SNED1: variants seen among roughly 807,000 people sequenced by gnomAD.
The protein encoded by SNED1 is sushi, nidogen and EGF-like domain-containing protein 1.
SNED1 carries 81 observed loss-of-function variants against 166.7 expected under a neutral mutation model. The ratio of observed to expected loss-of-function variants is 0.49; its 90% confidence interval spans 0.41 to 0.58. The LOEUF (loss-of-function observed/expected upper bound fraction) is 0.58, where lower values mean the gene tolerates loss of function less well. Among genes scored for constraint, SNED1 ranks in the 20% least tolerant of loss-of-function variants. The probability of loss-of-function intolerance (pLI) is 0.00; values close to 1 mark genes in which losing one functional copy is unlikely to be tolerated. For synonymous variants in SNED1, 762 were observed against 822.0 expected (o/e 0.93, Z 1.25); for missense variants, 1,604 against 2,000.2 (o/e 0.80, Z 3.78).
At chr2:241,065,241 G>C (rs1395932159) in intron 20 of SNED1, 58 bp from the exon 21 acceptor site, 1 of 1,578,696 alleles carries the variant, frequency 6.3e-7, no homozygotes, top group Non-Finnish European at 8.6e-7. Context: ...CGGGAGCCAG[G>C]CATGCATAGC....
intron 8 of SNED1, among the ~76,000 whole-genome samples, chr2:241,041,957 G>C (rs950806105): frequency 7.2e-5 from 11 of 152,154 alleles, no homozygotes; most frequent in African/African-American, 2.4e-4. Flanking sequence ...TTAGACAACA[G>C]ACAGCACAAG....
At chr2:241,078,228 C>A (rs561038861) in intron 27 of SNED1, among the ~76,000 whole-genome samples, 34 of 151,484 alleles carry the variant, frequency 2.2e-4, no homozygotes, top group African/African-American at 8.0e-4. Context: ...ACTAAAAATA[C>A]AAAAATTAGC....
At chr2:241,050,967 G>C (rs2125099570) in intron 12 of SNED1, among the ~76,000 whole-genome samples, 1 of 152,370 alleles carries the variant, frequency 6.6e-6, no homozygotes, top group Admixed American at 6.5e-5. Context: ...GAGCACACAG[G>C]CCACCAATGT....
chr2:241,030,438 A>G lies in SNED1; in HGVS notation c.368A>G (p.Asp123Gly). 1 of 1,613,476 alleles carries G rather than the reference A, an allele frequency of 6.2e-7. No individual in the cohort carries two copies. Among genetic ancestry groups the G allele is most frequent in the Non-Finnish European group, 8.5e-7 (1 of 1,179,802 alleles). Reference protein sequence around the residue: ...AGDVYYREATDPAMLRRATED... With the variant: ...AGDVYYREATGPAMLRRATED... ...GACGTGTACTACCGGGAGGCCACCGACCCAGCCATGCTGCGCCGAGCCACG... is the reference window on the plus strand; with the variant it reads ...GACGTGTACTACCGGGAGGCCACCGGCCCAGCCATGCTGCGCCGAGCCACG... Residue 123 changes from aspartate (D) to glycine (G), a missense_variant, in exon 2 of 32, where the codon GAC (aspartate) becomes GGC (glycine). Transcript: ENST00000310397.
intron 29 of SNED1, among the ~76,000 whole-genome samples, chr2:241,085,172 TTTTGCCATTA>T (rs1241977656): frequency 6.6e-6 from 1 of 152,188 alleles, no homozygotes; most frequent in African/African-American, 2.4e-5. Context: ...TTCGTAAAAT[TTTTGCCATTA>T]TTTCTTCATA....
chr2:241,053,493 G>A (rs1445418707), intron 16 of SNED1, among the ~76,000 whole-genome samples, 167 bp downstream of exon 16: 5 of 152,260 alleles, frequency 3.3e-5, no homozygotes, highest in African/African-American at 1.2e-4. Flanking sequence ...ACCTTGGGGT[G>A]ACAGTGGTGA....
chr2:241,072,331 G>A, intron 26 of SNED1: 1 of 408,596 alleles, frequency 2.4e-6, no homozygotes, highest in Non-Finnish European at 4.9e-6. Context: ...CAAGGCTGAT[G>A]GGCCCAGGTG....
intron 1 of SNED1, among the ~76,000 whole-genome samples, chr2:241,023,972 ACCC>A (rs1174612599): frequency 8.3e-6 from 1 of 120,104 alleles, no homozygotes; most frequent in East Asian, 2.5e-4. Context: ...TGCAGCCTCC[ACCC>A]CCCGGGTTCA....
At chr2:241,009,630 G>C (rs2060324987) in intron 1 of SNED1, among the ~76,000 whole-genome samples, 1 of 152,126 alleles carries the variant, frequency 6.6e-6, no homozygotes, top group Admixed American at 6.5e-5. Flanking sequence ...AGGAGAGAGA[G>C]GACATGGCAT....
At position 241,051,441 on chromosome 2, in the gene SNED1, G is replaced by A. The variant is rs565818151; in HGVS notation, c.1736-303G>A. On this transcript the variant is annotated intron_variant, in intron 12 of 31. Transcript: ENST00000310397. This position sits in a 1 kb window ranked among gnomAD's most constrained non-coding sequence, Gnocchi z 4.7. ...GCAGGAGGGAGGGAGTGCTGCGCCC[G>A]CTGCAGTGTTGGGGCCGGTTCTCCA... The A allele has an allele frequency of 6.5e-4, 204 of 312,834 alleles. 2 individuals are homozygous for A. In the Admixed American group the frequency reaches 9.2e-3, roughly 14 times the overall value. The allele number at this position is 312,834 out of a possible 1,614,324, so 19.4% of individuals were successfully genotyped here.
chr2:241,002,587 G>C (rs2060108632), intron 1 of SNED1, among the ~76,000 whole-genome samples: 1 of 152,126 alleles, frequency 6.6e-6, no homozygotes, highest in Non-Finnish European at 1.5e-5. Context: ...GAGGATGCTG[G>C]AGTGAGAGAG....
At position 241,018,174 on chromosome 2, in the gene SNED1, C is replaced by A. The variant is rs1045761895; in HGVS notation, c.214-12110C>A. Reference sequence around the variant, plus strand: ...CCCTGCTGTGCTGATTTGGTTAAGTCTTTTTGCCATGTCACCGCGCATTTG... The same window carrying A: ...CCCTGCTGTGCTGATTTGGTTAAGTATTTTTGCCATGTCACCGCGCATTTG... On this transcript the variant is annotated intron_variant, in intron 1 of 31. Transcript: ENST00000310397. The surrounding 1 kb of genome is among the most constrained non-coding windows in gnomAD (Gnocchi z 5.4). Among the ~76,000 whole-genome samples, 1 of 152,234 alleles carries A rather than the reference C, an allele frequency of 6.6e-6. No homozygotes were observed. The highest frequency in any genetic ancestry group is 1.5e-5 in the Non-Finnish European group (1 of 68,042).
chr2:241,079,853 C>G (rs2063244234), intron 27 of SNED1, among the ~76,000 whole-genome samples: 1 of 152,078 alleles, frequency 6.6e-6, no homozygotes, highest in Non-Finnish European at 1.5e-5. Context: ...ACTCAGTGAT[C>G]TTAATGTTAG....
At chr2:241,024,827 C>T (rs1241240621) in intron 1 of SNED1, among the ~76,000 whole-genome samples, 2 of 151,464 alleles carry the variant, frequency 1.3e-5, no homozygotes, top group Admixed American at 6.6e-5. Context: ...GCTGCCACCA[C>T]ACCTGACTAA....
chr2:241,033,702 G>A, intron 2 of SNED1, 33 bp from the exon 3 acceptor site: 2 of 1,598,234 alleles, frequency 1.3e-6, no homozygotes, highest in South Asian at 2.3e-5. Context: ...CAAGGGGAGT[G>A]CAGGGCCCTG....
chr2:241,055,788 T>G (rs1012376908), intron 16 of SNED1, among the ~76,000 whole-genome samples: 2 of 152,208 alleles, frequency 1.3e-5, no homozygotes, highest in South Asian at 2.1e-4. Context: ...AAAGCAGAGA[T>G]AGATTTCATA....
In SNED1 at chr2:241,091,743, TA is replaced by T. The variant is rs1268056465; in HGVS notation, c.*108del. 5 of 152,380 alleles carry T rather than the reference TA, an allele frequency of 3.3e-5. No individual in the cohort carries two copies. Among genetic ancestry groups the T allele is most frequent in the Non-Finnish European group, 7.3e-5 (5 of 68,134 alleles). 9.4% of individuals were successfully genotyped at this position (152,380 alleles called of 1,614,324 possible). On this transcript the variant is annotated 3_prime_UTR_variant, in exon 32 of 32. Transcript: ENST00000310397. The surrounding 1 kb of genome is among the most constrained non-coding windows in gnomAD (Gnocchi z 4.1). ...AAAAGGACACCCTGAGAAAAGGTCC[TA>T]GCTGGAGTCAGTCCCCTCTGTGACC...
At chr2:241,071,767 C>A in intron 25 of SNED1, 29 bp from the exon 26 acceptor site, 1 of 1,566,660 alleles carries the variant, frequency 6.4e-7, no homozygotes, top group Non-Finnish European at 8.7e-7. Context: ...GGCGCTCGGA[C>A]TGTGGTGACC....
chr2:241,003,075 C>G (rs373750789), intron 1 of SNED1, among the ~76,000 whole-genome samples: 2 of 152,124 alleles, frequency 1.3e-5, no homozygotes, highest in Admixed American at 6.5e-5. Flanking sequence ...GATCCTGTCT[C>G]TCCTCGCCAG....
Sources: gnomAD v4.1 joint callset for allele counts (sites outside exome capture counted in the v4.1 genomes callset) on GRCh38, gnomAD v4.1.1 for gene constraint, Gnocchi (gnomAD v3.1) non-coding constraint, MANE v1.5 for transcripts, NCBI Gene and HGNC (gene_info 2026-07-23, HGNC 2026-07-21) for gene names.